FRYL: variants seen among roughly 807,000 people sequenced by gnomAD.
FRYL encodes protein furry homolog-like.
In FRYL, 150 loss-of-function variants were observed where a neutral mutation model predicts 351.2. That is an observed-to-expected ratio of 0.43 (90% CI 0.37 to 0.49). FRYL has a LOEUF of 0.49. Among genes scored for constraint, FRYL ranks in the 20% least tolerant of loss-of-function variants. FRYL has a pLI of 0.00. For synonymous variants in FRYL, 1,153 were observed against 1,257.1 expected, an observed-to-expected ratio of 0.92 and a Z score of 1.75; for missense variants, 3,036 against 3,619.3, an observed-to-expected ratio of 0.84 and a Z score of 4.13.
chr4:48,580,234 T>C (rs1740596297), intron 22 of FRYL, among the ~76,000 whole-genome samples: 1 of 152,126 alleles, frequency 6.6e-6, no homozygotes, highest in African/African-American at 2.4e-5. Flanking sequence ...GGAGGAAATA[T>C]TTTTAAATAG....
chr4:48,771,680 G>A (rs1775522613), intron 1 of FRYL, among the ~76,000 whole-genome samples: 1 of 152,012 alleles, frequency 6.6e-6, no homozygotes, highest in Admixed American at 6.6e-5. Context: ...TCAAAAACCA[G>A]AAAAAAAGCA....
intron 40 of FRYL, 104 bp downstream of exon 40, chr4:48,548,586 A>G: frequency 1.5e-6 from 1 of 681,490 alleles, no homozygotes; most frequent in East Asian, 2.8e-5. Flanking sequence ...AATAACATAA[A>G]AATAACAGGA....
intron 1 of FRYL, among the ~76,000 whole-genome samples, 154 bp downstream of exon 1, chr4:48,779,924 G>C (rs1450832434): frequency 6.6e-6 from 1 of 151,882 alleles, no homozygotes; most frequent in African/African-American, 2.4e-5. Context: ...ATCCTGGACC[G>C]CCTTCCCTCG....
At chr4:48,509,177 T>C (rs1461586539) in intron 59 of FRYL, among the ~76,000 whole-genome samples, 4 of 152,172 alleles carry the variant, frequency 2.6e-5, no homozygotes, top group Non-Finnish European at 4.4e-5. Context: ...GCAAAACTGC[T>C]AGCTACAGAG....
At position 48,713,802 on chromosome 4, in the gene FRYL, A is replaced by C. The variant is rs6447653; in HGVS notation, c.-383-3104T>G. Among the ~76,000 whole-genome samples, 410 of 152,320 alleles carry C rather than the reference A, an allele frequency of 2.7e-3. 1 individual carries two copies. The highest frequency in any genetic ancestry group is 9.4e-3 in the African/African-American group (392 of 41,568). On this transcript the variant is annotated intron_variant, in intron 1 of 63. Coordinates refer to ENST00000358350, the MANE Select transcript of FRYL (RefSeq NM_015030.2). Reference sequence around the variant, plus strand: ...GACATCGACAGAACTCTCCACCCCAAATCAACAGAATATACATTTTTTTCA... The same window carrying C: ...GACATCGACAGAACTCTCCACCCCACATCAACAGAATATACATTTTTTTCA...
intron 1 of FRYL, among the ~76,000 whole-genome samples, chr4:48,718,664 G>A (rs527755798): frequency 6.6e-6 from 1 of 151,508 alleles, no homozygotes; most frequent in East Asian, 1.9e-4. Context: ...ACCTTCAACT[G>A]CTTAAACTGA....
intron 2 of FRYL, among the ~76,000 whole-genome samples, chr4:48,705,805 TC>T (rs1560885538): frequency 6.6e-6 from 1 of 152,144 alleles, no homozygotes; most frequent in African/African-American, 2.4e-5. Flanking sequence ...TGACCATACT[TC>T]CTGGTATTCA....
chr4:48,595,547 C>CT (rs773392404), intron 15 of FRYL, 43 bp downstream of exon 15: 3 of 1,159,394 alleles, frequency 2.6e-6, no homozygotes, highest in Non-Finnish European at 3.7e-6. Flanking sequence ...ATAGATTACT[C>CT]TAACAATTTA....
intron 1 of FRYL, among the ~76,000 whole-genome samples, chr4:48,736,066 G>A (rs1771364358): frequency 6.6e-6 from 1 of 151,504 alleles, no homozygotes; most frequent in South Asian, 2.1e-4. Context: ...CAGAGAGACA[G>A]GTAGAAAAAT....
chr4:48,575,173 C>G lies in FRYL; in HGVS notation c.2790G>C (p.Met930Ile). 6.2e-7 allele frequency: 1 copy of G among 1,613,870 alleles called. No individual in the cohort carries two copies. The stretch of plus-strand genomic sequence containing the variant: ...CTAGAACAAGGGATTCTGTGATTTC[C>G]ATGCTCTCAGAACGCATCATTGGAA... Reference protein sequence around the residue: ...HIVPMMRSESMEITESLVLGL... With the variant: ...HIVPMMRSESIEITESLVLGL... Residue 930 changes from methionine to isoleucine, a missense_variant, in exon 25 of 64, where the codon ATG becomes ATC. Met to Ile is a conservative substitution (Grantham distance 10, BLOSUM62 1). This residue lies in a region of FRYL where 492 missense variants were observed against 551.5 expected (regional missense o/e 0.89). Coordinates refer to ENST00000358350, the MANE Select transcript of FRYL (RefSeq NM_015030.2).
chr4:48,569,874 A>G (rs1737866135), intron 27 of FRYL, among the ~76,000 whole-genome samples: 1 of 152,150 alleles, frequency 6.6e-6, no homozygotes, highest in Admixed American at 6.5e-5. Flanking sequence ...GTGCAGTGGC[A>G]TGGTCAAGGC....
chr4:48,606,246 C>G (rs1746804200), intron 10 of FRYL, among the ~76,000 whole-genome samples, 192 bp downstream of exon 10: 1 of 151,588 alleles, frequency 6.6e-6, no homozygotes, highest in Admixed American at 6.6e-5. Context: ...GCACTCCAGC[C>G]TGGGTGACAG....
intron 1 of FRYL, among the ~76,000 whole-genome samples, chr4:48,750,406 A>T (rs991750815): frequency 6.6e-6 from 1 of 152,026 alleles, no homozygotes; most frequent in East Asian, 1.9e-4. Flanking sequence ...GGCTGCAGTG[A>T]GTTGAGATTA....
intron 3 of FRYL, among the ~76,000 whole-genome samples, chr4:48,639,090 G>C (rs1308051979): frequency 6.6e-6 from 1 of 151,542 alleles, no homozygotes; most frequent in African/African-American, 2.4e-5. Context: ...ATGTATCCCA[G>C]AACTTAAAGT....
At position 48,515,125 on chromosome 4, in the gene FRYL, A is replaced by G. The variant is rs1235992305; in HGVS notation, c.7840T>C (p.Tyr2614His). ...EMPEPLAPES[Y>H]PESVCEEDVT... is the part of the protein sequence containing the mutation. ...TCCTCTTCACAGACTGACTCGGGGT[A>G]ACTTTCAGGAGCTAGAGGCTCTGGC... The change falls in exon 56 of 64, where the codon TAC becomes CAC. Residue 2614 changes from tyrosine to histidine, a missense_variant. Coordinates refer to ENST00000358350, the MANE Select transcript of FRYL (RefSeq NM_015030.2). 1 of 1,613,942 alleles carries G rather than the reference A, an allele frequency of 6.2e-7. No homozygotes were observed. The highest frequency in any genetic ancestry group is 1.7e-5 in the Admixed American group (1 of 60,014).
chr4:48,675,817 G>T (rs531738429), intron 3 of FRYL, among the ~76,000 whole-genome samples: 1 of 152,226 alleles, frequency 6.6e-6, no homozygotes, highest in Non-Finnish European at 1.5e-5. Context: ...AGTCTGGTGG[G>T]GCCTTGGAGA....
At chr4:48,693,933 A>G (rs1291589570) in intron 2 of FRYL, among the ~76,000 whole-genome samples, 1 of 152,236 alleles carries the variant, frequency 6.6e-6, no homozygotes, top group Non-Finnish European at 1.5e-5. Context: ...GCATCTTGGT[A>G]CCAAGTTAGG....
chr4:48,688,899 A>G (rs193008414), intron 2 of FRYL, among the ~76,000 whole-genome samples: 1 of 151,922 alleles, frequency 6.6e-6, no homozygotes, highest in Admixed American at 6.6e-5. Context: ...TTTGACCTCA[A>G]GTGATCCACC....
intron 16 of FRYL, among the ~76,000 whole-genome samples, chr4:48,591,750 T>TCATTTACCATGTAC (rs1200448822): frequency 6.6e-6 from 1 of 152,092 alleles, no homozygotes; most frequent in East Asian, 1.9e-4. Flanking sequence ...TTACATGGCT[T>TCATTTACCATGTAC]CATTTACCAC....
Sources: gnomAD v4.1 joint callset for allele counts (sites outside exome capture counted in the v4.1 genomes callset) on GRCh38, gnomAD v4.1.1 for gene constraint, gnomAD v4.1.1 regional missense constraint, MANE v1.5 for transcripts, NCBI Gene and HGNC (gene_info 2026-07-23, HGNC 2026-07-21) for gene names.